Variants in OSBPL10 observed in about 807,000 individuals in gnomAD.
The protein encoded by OSBPL10 is oxysterol binding protein like 10.
Under a neutral mutation model 81.7 loss-of-function variants are expected in OSBPL10, and 49 were observed. The observed-to-expected ratio is 0.60, with a 90% CI of 0.48 to 0.76. OSBPL10 has a LOEUF of 0.76. OSBPL10 is among the 30% of genes least tolerant of loss of function. OSBPL10 has a pLI of 0.00. For missense variants in OSBPL10, 923 were observed against 987.8 expected (o/e 0.93, Z 0.88); for synonymous variants, 419 against 383.6 (o/e 1.09, Z -1.08).
chr3:31,759,275 C>T (rs536508284), intron 4 of OSBPL10, among the ~76,000 whole-genome samples: 1 of 152,182 alleles, frequency 6.6e-6, no homozygotes, highest in African/African-American at 2.4e-5. Context: ...ATACTCTCTG[C>T]CTCCCACACA....
intron 4 of OSBPL10, chr3:31,797,850 A>T (rs1177470394): frequency 2.2e-6 from 1 of 454,448 alleles, no homozygotes; most frequent in Non-Finnish European, 4.4e-6. Flanking sequence ...ACCTATAAAA[A>T]TGGGGATGGG....
chr3:31,970,305 T>C (rs561473722), intron 1 of OSBPL10, among the ~76,000 whole-genome samples: 2 of 152,356 alleles, frequency 1.3e-5, no homozygotes, highest in Admixed American at 6.5e-5. Flanking sequence ...CAAAGTCCTC[T>C]GAGGCCAGAT....
At chr3:31,689,929 G>C (rs930679515) in intron 7 of OSBPL10, among the ~76,000 whole-genome samples, 2 of 152,130 alleles carry the variant, frequency 1.3e-5, no homozygotes, top group Non-Finnish European at 2.9e-5. Context: ...TACGGAAAAA[G>C]TTCTGGAGGG....
intron 1 of OSBPL10, among the ~76,000 whole-genome samples, chr3:31,928,229 T>G (rs1212189938): frequency 6.6e-6 from 1 of 152,046 alleles, no homozygotes; most frequent in African/African-American, 2.4e-5. Context: ...AATTCGGAGG[T>G]ATTGATCTTT....
At chr3:31,682,465 A>G (rs1700677395) in intron 8 of OSBPL10, among the ~76,000 whole-genome samples, 1 of 152,084 alleles carries the variant, frequency 6.6e-6, no homozygotes, top group Non-Finnish European at 1.5e-5. Context: ...TGCCAGGGAC[A>G]TTTTACCTGT....
At chr3:32,022,637 T>G (rs556787804) in intron 2 of OSBPL10, among the ~76,000 whole-genome samples, 1 of 151,926 alleles carries the variant, frequency 6.6e-6, no homozygotes, top group African/African-American at 2.4e-5. Flanking sequence ...ATACACAAAT[T>G]AGTTAGGCAT....
chr3:31,854,959 A>C (rs1700872001), intron 3 of OSBPL10, among the ~76,000 whole-genome samples: 1 of 152,150 alleles, frequency 6.6e-6, no homozygotes, highest in South Asian at 2.1e-4. Flanking sequence ...ATGTCAGTGT[A>C]AAATCAGATC....
Position 32,059,080 on chromosome 3 carries a change from C to T in OSBPL10, n.186-12477G>A, listed in dbSNP as rs562081324. ...TTGGGAGGCTGAGGCAGGTGGATCA[C>T]GAGGTCAGGAGTTTAAGACCAGCCT... is the stretch of plus-strand genomic sequence containing the variant. On this transcript the variant is annotated intron_variant and non_coding_transcript_variant, in intron 1 of 3. Coordinates refer to the OSBPL10 transcript ENST00000479173. 1.1e-4 allele frequency among the ~76,000 whole-genome samples: 16 copies of T among 152,156 alleles called. 1 individual carries two copies. Among genetic ancestry groups the T allele is most frequent in the African/African-American group, 3.1e-4 (13 of 41,530 alleles).
intron 6 of OSBPL10, chr3:31,704,329 C>G (rs1047386708): frequency 2.0e-5 from 3 of 152,376 alleles, no homozygotes; most frequent in African/African-American, 7.2e-5. Flanking sequence ...AGACACAAAT[C>G]CCTCCCAATG....
chr3:31,945,049 G>A (rs146785998), intron 1 of OSBPL10, among the ~76,000 whole-genome samples: 22 of 150,420 alleles, frequency 1.5e-4, no homozygotes, highest in African/African-American at 5.4e-4. Context: ...TACTCGGGAG[G>A]CCACGGCAGG....
At chr3:31,799,439 G>T (rs1404516913) in intron 4 of OSBPL10, among the ~76,000 whole-genome samples, 1 of 127,106 alleles carries the variant, frequency 7.9e-6, no homozygotes, top group Non-Finnish European at 1.7e-5. Flanking sequence ...TATCAGCTTA[G>T]AAGTCAATCA....
chr3:31,943,967 CAAAAAA>C (rs55770286), intron 1 of OSBPL10, among the ~76,000 whole-genome samples: 19 of 37,790 alleles, frequency 5.0e-4, no homozygotes, highest in East Asian at 3.4e-3. Flanking sequence ...GACTCCGTCT[CAAAAAA>C]AAAAAAAAAA....
At chr3:32,015,882 C>T (rs1424716945) in intron 2 of OSBPL10, among the ~76,000 whole-genome samples, 1 of 152,178 alleles carries the variant, frequency 6.6e-6, no homozygotes, top group Admixed American at 6.5e-5. Flanking sequence ...AAATGCAAAT[C>T]AAAACCACAA....
At chr3:31,871,813 A>T (rs952743436) in intron 3 of OSBPL10, among the ~76,000 whole-genome samples, 2 of 152,126 alleles carry the variant, frequency 1.3e-5, no homozygotes, top group Non-Finnish European at 2.9e-5. Context: ...TGTAGCACTG[A>T]TTGCACCACT....
intron 1 of OSBPL10, among the ~76,000 whole-genome samples, chr3:31,917,869 A>G (rs1696802650): frequency 6.6e-6 from 1 of 151,776 alleles, no homozygotes; most frequent in African/African-American, 2.4e-5. Flanking sequence ...ACAGATACTT[A>G]AAATGTGTGA....
chr3:31,812,810 GAAAGAA>G (rs1559476522), intron 4 of OSBPL10, among the ~76,000 whole-genome samples: 11 of 53,830 alleles, frequency 2.0e-4, no homozygotes, highest in Non-Finnish European at 3.6e-4. Flanking sequence ...AAGAAAGAAA[GAAAGAA>G]AGAGAAAGAA....
At chr3:31,700,316 C>A (rs555936346) in intron 7 of OSBPL10, 1 of 152,036 alleles carries the variant, frequency 6.6e-6, no homozygotes, top group African/African-American at 2.4e-5. Context: ...TGTGATATTT[C>A]TTTATTTTAG....
At chr3:31,939,118 G>A (rs1367689855) in intron 1 of OSBPL10, among the ~76,000 whole-genome samples, 1 of 145,738 alleles carries the variant, frequency 6.9e-6, no homozygotes, top group Non-Finnish European at 1.5e-5. Context: ...TCTCTTTTCA[G>A]TTTAATGTGC....
intron 2 of OSBPL10, among the ~76,000 whole-genome samples, chr3:32,038,075 T>A (rs149835587): frequency 6.6e-6 from 1 of 152,294 alleles, no homozygotes; most frequent in East Asian, 1.9e-4. Context: ...CAGTGTTCCC[T>A]CGAGCCTTTG....
Sources: allele counts gnomAD v4.1 joint callset (sites outside exome capture counted in the v4.1 genomes callset), GRCh38; gene constraint gnomAD v4.1.1; transcripts MANE v1.5; gene names NCBI Gene and HGNC (gene_info 2026-07-23, HGNC 2026-07-21).